The following CNNM4 variants were observed in gnomAD, a reference collection of about 807,000 sequenced individuals.
CNNM4 encodes the protein metal transporter CNNM4.
In CNNM4, 32 loss-of-function variants were observed where a neutral mutation model predicts 53.7. The observed-to-expected ratio is 0.60, with a 90% CI of 0.45 to 0.80. The LOEUF is 0.80. Ranked by LOEUF, CNNM4 falls within the 30% of genes least tolerant of loss-of-function variation. The pLI is 0.00. For synonymous variants in CNNM4, 410 were observed against 440.0 expected (o/e 0.93, Z 0.85); for missense variants, 784 against 1,022.0 (o/e 0.77, Z 3.17).
rs764820668 is a variant in CNNM4 at position 96,762,452 on chromosome 2, T to C, written c.1402+51T>C. 4.6e-6 allele frequency: 7 copies of C among 1,530,982 alleles called. No individual in the cohort carries two copies. In the African/African-American group the frequency reaches 6.8e-5, roughly 15 times the overall value. 94.8% of individuals were successfully genotyped at this position (1,530,982 alleles called of 1,614,324 possible). A position where few individuals can be genotyped will look rare whatever the true frequency, so the allele number is the denominator to read the frequency against. The stretch of plus-strand genomic sequence containing the variant: ...TTCAATTTCCTCTTGACGCCTCTTT[T>C]CCCCTGGCGTGTTTTGTGTCTGCTG... On this transcript the variant is annotated intron_variant, in intron 1 of 6. Transcript: ENST00000377075.
chr2:96,761,182 C>T lies in CNNM4; in HGVS notation c.183C>T (p.Asn61=), dbSNP rs560768845. Residue 61 remains asparagine, a synonymous_variant, in exon 1 of 7, where the codon AAC becomes AAT. Coordinates refer to ENST00000377075, the MANE Select transcript of CNNM4 (RefSeq NM_020184.4). This position sits in a 1 kb window ranked among gnomAD's most constrained non-coding sequence, Gnocchi z 6.0. ...GCTGCAACAAGTCGTGTGGGACGAA[C>T]CCGGATGGCATCATCTTCGTGTCCG... ...LASCNKSCGT[N]PDGIIFVSEG... The T allele has an allele frequency of 2.5e-5, 40 of 1,613,370 alleles. No individual in the cohort carries two copies. Among genetic ancestry groups the T allele is most frequent in the Non-Finnish European group, 3.2e-5 (38 of 1,179,554 alleles).
chr2:96,780,732 A>ATTTG (rs1015665345), intron 1 of CNNM4, among the ~76,000 whole-genome samples: 1 of 150,782 alleles, frequency 6.6e-6, no homozygotes, highest in Non-Finnish European at 1.5e-5. Flanking sequence ...GTTTGTTTTT[A>ATTTG]TTTGTTTGTT....
Position 96,761,794 on chromosome 2 carries a change from C to G in CNNM4, c.795C>G (p.Ile265Met). 1 of 1,613,600 alleles carries G rather than the reference C, an allele frequency of 6.2e-7. No individual in the cohort carries two copies. Among genetic ancestry groups the G allele is most frequent in the Admixed American group, 1.7e-5 (1 of 60,014 alleles). The change falls in exon 1 of 7, where the codon ATC becomes ATG. Residue 265 changes from isoleucine to methionine, a missense_variant. Around this residue, in one of 3 missense-constraint regions of CNNM4, gnomAD observed 473 missense variants for 624.6 expected, o/e 0.76. Transcript: ENST00000377075. The surrounding 1 kb of genome is among the most constrained non-coding windows in gnomAD (Gnocchi z 6.0). ...TSLTILLDNLIGSGLMAVASS... is the reference protein window; with the variant it reads ...TSLTILLDNLMGSGLMAVASS... Reference sequence around the variant, plus strand: ...TCACAATCCTTCTAGACAACCTCATCGGGTCCGGCCTCATGGCGGTGGCCT... The same window carrying G: ...TCACAATCCTTCTAGACAACCTCATGGGGTCCGGCCTCATGGCGGTGGCCT...
At position 96,808,542 on chromosome 2, in the gene CNNM4, A is replaced by G; in HGVS notation, c.1949-19A>G. The G allele has an allele frequency of 6.2e-7, 1 of 1,612,978 alleles. No homozygotes were observed. Among genetic ancestry groups the G allele is most frequent in the Non-Finnish European group, 8.5e-7 (1 of 1,179,662 alleles). On this transcript the variant is annotated intron_variant, in intron 5 of 6. Coordinates refer to ENST00000377075, the MANE Select transcript of CNNM4 (RefSeq NM_020184.4). The surrounding 1 kb of genome is among the most constrained non-coding windows in gnomAD (Gnocchi z 4.9). ...CATCGGAGTGGCCTTTGGCATGACAACCTCTGCTCTCCCTGCAGACCGTTC... is the reference window on the plus strand; with the variant it reads ...CATCGGAGTGGCCTTTGGCATGACAGCCTCTGCTCTCCCTGCAGACCGTTC...
intron 1 of CNNM4, among the ~76,000 whole-genome samples, chr2:96,763,169 C>T (rs1038911218): frequency 6.6e-6 from 1 of 152,186 alleles, no homozygotes; most frequent in African/African-American, 2.4e-5. Flanking sequence ...GTGGCGCCAG[C>T]GTAAGCTTCC....
rs767059270 is a variant in CNNM4 at position 96,762,236 on chromosome 2, G to C, written c.1237G>C (p.Asp413His). ...CTATACTCGCATCCCGGTGTTCGAA[G>C]ACGAGCAGTCCAATATTGTAGATAT... ...SGYTRIPVFE[D>H]EQSNIVDILY... The change falls in exon 1 of 7, where the codon GAC (aspartate) becomes CAC (histidine). Residue 413 changes from aspartate (D) to histidine (H), a missense_variant. By Grantham distance (81) the Asp-to-His change is moderately conservative (BLOSUM62 -1). This residue lies in a region of CNNM4 where 473 missense variants were observed against 624.6 expected (regional missense o/e 0.76). Coordinates refer to ENST00000377075, the MANE Select transcript of CNNM4 (RefSeq NM_020184.4). 6.2e-7 allele frequency: 1 copy of C among 1,614,206 alleles called. No homozygotes were observed. Among genetic ancestry groups the C allele is most frequent in the Non-Finnish European group, 8.5e-7 (1 of 1,180,038 alleles).
At chr2:96,764,984 T>G (rs1199270397) in intron 1 of CNNM4, among the ~76,000 whole-genome samples, 1 of 143,080 alleles carries the variant, frequency 7.0e-6, no homozygotes, top group Non-Finnish European at 1.5e-5. Flanking sequence ...AAGACTCTGT[T>G]TCAAAAAAAA....
intron 1 of CNNM4, among the ~76,000 whole-genome samples, chr2:96,782,254 A>G (rs1213884053): frequency 6.6e-6 from 1 of 152,044 alleles, no homozygotes; most frequent in East Asian, 1.9e-4. Flanking sequence ...TTTACTGAAA[A>G]TAAAAAAATT....
rs927160860 is a variant in CNNM4, at chr2:96,800,657, A to T, written c.1948+1009A>T. ...CCTATCAGATGCCTCAGGCCTGGGG[A>T]TGACTTCCTGTGCCTCCAAGAGCAG... On this transcript the variant is annotated intron_variant, in intron 5 of 6. Coordinates refer to ENST00000377075, the MANE Select transcript of CNNM4 (RefSeq NM_020184.4). The surrounding 1 kb of genome is among the most constrained non-coding windows in gnomAD (Gnocchi z 4.6). 6.6e-6 allele frequency among the ~76,000 whole-genome samples: 1 copy of T among 152,208 alleles called. No individual in the cohort carries two copies. The highest frequency in any genetic ancestry group is 1.5e-5 in the Non-Finnish European group (1 of 68,030).
chr2:96,791,207 A>T (rs551979376), intron 1 of CNNM4, among the ~76,000 whole-genome samples: 39 of 151,916 alleles, frequency 2.6e-4, no homozygotes, highest in Non-Finnish European at 4.6e-4. Context: ...GAGGCTGGTG[A>T]TCCACCTGCC....
chr2:96,795,912 G>T (rs1574077216), intron 1 of CNNM4, among the ~76,000 whole-genome samples: 1 of 152,098 alleles, frequency 6.6e-6, no homozygotes, highest in African/African-American at 2.4e-5. Flanking sequence ...CCTTCAAAAA[G>T]GGGTCTGGGA....
At chr2:96,778,706 C>T (rs1029913152) in intron 1 of CNNM4, among the ~76,000 whole-genome samples, 2 of 151,860 alleles carry the variant, frequency 1.3e-5, no homozygotes, top group Non-Finnish European at 2.9e-5. Flanking sequence ...CCTGCCTCAG[C>T]CTCCTCAGTA....
intron 1 of CNNM4, among the ~76,000 whole-genome samples, chr2:96,780,967 G>A (rs1206117047): frequency 1.8e-4 from 24 of 132,020 alleles, no homozygotes; most frequent in Middle Eastern, 4.2e-3. Flanking sequence ...GGCTGATCTC[G>A]AACTCTTTTT....
Position 96,798,781 on chromosome 2 carries a change from A to T in CNNM4, c.1682-276A>T, listed in dbSNP as rs112709649. Among the ~76,000 whole-genome samples the T allele has an allele frequency of 1.9e-3, 295 of 152,296 alleles. 2 individuals are homozygous for T. Among genetic ancestry groups the T allele is most frequent in the African/African-American group, 6.9e-3 (288 of 41,554 alleles). The stretch of plus-strand genomic sequence containing the variant: ...TTTACCCCCATATTACAGATGAGGA[A>T]ACTGAGATGCAGGTTAAGTAATTTG... On this transcript the variant is annotated intron_variant, in intron 3 of 6. Coordinates refer to ENST00000377075, the MANE Select transcript of CNNM4 (RefSeq NM_020184.4).
intron 1 of CNNM4, among the ~76,000 whole-genome samples, chr2:96,778,156 C>T (rs989179121): frequency 6.6e-6 from 1 of 151,842 alleles, no homozygotes; most frequent in Non-Finnish European, 1.5e-5. Context: ...TGTGAGCCAC[C>T]GTGCCTTACC....
intron 6 of CNNM4, 106 bp from the exon 7 acceptor site, chr2:96,809,214 T>G: frequency 5.8e-6 from 9 of 1,559,190 alleles, no homozygotes; most frequent in Non-Finnish European, 7.8e-6. Context: ...ACTGGTCATG[T>G]TCTCTCTCAA....
chr2:96,801,605 G>C lies in CNNM4; in HGVS notation c.1948+1957G>C, dbSNP rs572525515. ...CACACACAGAGAGACCACACACACA[G>C]AGACCACACACAGAGACCACACGCA... On this transcript the variant is annotated intron_variant, in intron 5 of 6. Coordinates refer to ENST00000377075, the MANE Select transcript of CNNM4 (RefSeq NM_020184.4). The surrounding 1 kb of genome is among the most constrained non-coding windows in gnomAD (Gnocchi z 5.6). 1.7e-4 allele frequency among the ~76,000 whole-genome samples: 23 copies of C among 136,686 alleles called. No homozygotes were observed. Among genetic ancestry groups the C allele is most frequent in the African/African-American group, 5.5e-4 (19 of 34,558 alleles). The allele number at this position is 136,686 out of a possible 152,430, so 89.7% of individuals were successfully genotyped here. A position where few individuals can be genotyped will look rare whatever the true frequency, so the allele number is the denominator to read the frequency against.
Position 96,797,598 on chromosome 2 carries a change from G to A in CNNM4, c.1632G>A (p.Val544=), listed in dbSNP as rs1002208092. The change falls in exon 3 of 7, where the codon GTG becomes GTA. Residue 544 remains valine, a synonymous_variant. Transcript: ENST00000377075. The surrounding 1 kb of genome is among the most constrained non-coding windows in gnomAD (Gnocchi z 6.0). ...AFKDADNELK[V]KISPQLLLAA... is the part of the protein sequence containing the mutation. Reference sequence around the variant, plus strand: ...AGGATGCGGACAATGAGCTCAAAGTGAAAATCTCCCCGCAGCTCCTCCTGG... The same window carrying A: ...AGGATGCGGACAATGAGCTCAAAGTAAAAATCTCCCCGCAGCTCCTCCTGG... The A allele has an allele frequency of 1.2e-6, 2 of 1,614,212 alleles. No homozygotes were observed. The highest frequency in any genetic ancestry group is 1.3e-5 in the African/African-American group (1 of 75,064).
intron 3 of CNNM4, among the ~76,000 whole-genome samples, chr2:96,798,662 TAG>T (rs879326253): frequency 1.1e-3 from 171 of 152,228 alleles, no homozygotes; most frequent in Non-Finnish European, 2.1e-3. Context: ...GCAATAATTA[TAG>T]TCTATATATT....
Sources: gnomAD v4.1 joint callset for allele counts (sites outside exome capture counted in the v4.1 genomes callset) on GRCh38, gnomAD v4.1.1 for gene constraint, gnomAD v4.1.1 regional missense constraint, Gnocchi (gnomAD v3.1) non-coding constraint, MANE v1.5 for transcripts, NCBI Gene and HGNC (gene_info 2026-07-23, HGNC 2026-07-21) for gene names.